The following CDH4 variants were observed in gnomAD, a reference collection of about 807,000 sequenced individuals.
The protein encoded by CDH4 is cadherin-4.
A neutral mutation model predicts 86.0 loss-of-function variants in CDH4; 33 were observed. The ratio of observed to expected loss-of-function variants is 0.38; its 90% CI spans 0.29 to 0.51. The LOEUF is 0.51. Among genes scored for constraint, CDH4 ranks in the 20% least tolerant of loss-of-function variants. The probability of loss-of-function intolerance (pLI) is 0.86; values close to 1 mark genes in which losing one functional copy is unlikely to be tolerated. For missense variants in CDH4, 1,114 were observed against 1,307.4 expected, an observed-to-expected ratio of 0.85 and a Z score of 2.28; for synonymous variants, 555 against 549.4, an observed-to-expected ratio of 1.01 and a Z score of -0.14.
chr20:61,435,424 G>C (rs570620921), intron 2 of CDH4, among the ~76,000 whole-genome samples: 32 of 152,266 alleles, frequency 2.1e-4, no homozygotes, highest in African/African-American at 5.8e-4. Context: ...CCCTAGGGGG[G>C]CTCTGCTGGG....
intron 9 of CDH4, among the ~76,000 whole-genome samples, chr20:61,921,732 T>C (rs1244278873): frequency 7.7e-6 from 1 of 130,534 alleles, no homozygotes; most frequent in East Asian, 2.4e-4. Flanking sequence ...AGCCTGGCAA[T>C]GGAGGAAGAC....
rs1039146284 is a variant in CDH4 at position 61,829,828 on chromosome 20, C to A, written c.577-14840C>A. Among the ~76,000 whole-genome samples, 1 of 152,080 alleles carries A rather than the reference C, an allele frequency of 6.6e-6. No homozygotes were observed. Among genetic ancestry groups the A allele is most frequent in the African/African-American group, 2.4e-5 (1 of 41,406 alleles). On this transcript the variant is annotated intron_variant, in intron 4 of 15. Transcript: ENST00000614565. This position sits in a 1 kb window ranked among gnomAD's most constrained non-coding sequence, Gnocchi z 4.2. The stretch of plus-strand genomic sequence containing the variant: ...GTGCAGCCCTCCTCCAGACCCCAGT[C>A]CCCTTGGACCAGGGGCAAAGCTCAT...
rs559586967 is a variant in CDH4, at chr20:61,678,270, G to C, written c.170-65293G>C. On this transcript the variant is annotated intron_variant, in intron 2 of 15. Transcript: ENST00000614565. ...ATAGATAGATGGATGATAGATGATAGATGAGATAGATACATGATGGATGGA... is the reference window on the plus strand; with the variant it reads ...ATAGATAGATGGATGATAGATGATACATGAGATAGATACATGATGGATGGA... Among the ~76,000 whole-genome samples, 18 of 152,202 alleles carry C rather than the reference G, an allele frequency of 1.2e-4. No individual in the cohort carries two copies. In the South Asian group the frequency reaches 2.5e-3, roughly 21 times the overall value.
intron 2 of CDH4, among the ~76,000 whole-genome samples, chr20:61,699,792 C>T (rs1405809332): frequency 3.4e-5 from 5 of 148,728 alleles, no homozygotes; most frequent in African/African-American, 7.8e-5. Context: ...ACCGCTGACC[C>T]GGGGCTTTCA....
intron 4 of CDH4, among the ~76,000 whole-genome samples, chr20:61,815,708 G>A (rs1386655387): frequency 6.6e-6 from 1 of 152,234 alleles, no homozygotes; most frequent in East Asian, 1.9e-4. Flanking sequence ...AGGCCCGGCT[G>A]AGGGAGGTCC....
Position 61,330,972 on chromosome 20 carries a change from G to T in CDH4, c.169+76035G>T, listed in dbSNP as rs373251323. Among the ~76,000 whole-genome samples the T allele has an allele frequency of 4.6e-3, 700 of 152,186 alleles. 9 individuals carry two copies. Among genetic ancestry groups the T allele is most frequent in the African/African-American group, 0.016 (673 of 41,510 alleles). On this transcript the variant is annotated intron_variant, in intron 2 of 15. Coordinates refer to ENST00000614565, the MANE Select transcript of CDH4 (RefSeq NM_001794.5). ...GGGTCTGTGAAACAAGTTCCTAGAA[G>T]TGGAATTTCTGGGTCAGTTATAAGG...
intron 2 of CDH4, among the ~76,000 whole-genome samples, chr20:61,374,188 G>A (rs570324109): frequency 7.2e-5 from 11 of 152,324 alleles, no homozygotes; most frequent in Middle Eastern, 3.4e-3. Flanking sequence ...TGAGGAGCTC[G>A]CTGTCTGAAA....
chr20:61,877,080 A>G (rs558962580), intron 7 of CDH4, among the ~76,000 whole-genome samples: 1 of 151,966 alleles, frequency 6.6e-6, no homozygotes, highest in Admixed American at 6.5e-5. Context: ...CGGGAGGGAC[A>G]CCCCCTGGCC....
Position 61,417,201 on chromosome 20 carries a change from C to T in CDH4, c.169+162264C>T, listed in dbSNP as rs1374072907. Among the ~76,000 whole-genome samples, 1 of 152,102 alleles carries T rather than the reference C, an allele frequency of 6.6e-6. No homozygotes were observed. Among genetic ancestry groups the T allele is most frequent in the Non-Finnish European group, 1.5e-5 (1 of 68,012 alleles). Reference sequence around the variant, plus strand: ...GTTGGGGGCATGCAGTCCTGGTCTCCAAGAGACTCACTCTTTCTCTCTTGG... The same window carrying T: ...GTTGGGGGCATGCAGTCCTGGTCTCTAAGAGACTCACTCTTTCTCTCTTGG... On this transcript the variant is annotated intron_variant, in intron 2 of 15. Coordinates refer to ENST00000614565, the MANE Select transcript of CDH4 (RefSeq NM_001794.5). This position sits in a 1 kb window ranked among gnomAD's most constrained non-coding sequence, Gnocchi z 4.0.
chr20:61,311,908 C>T (rs1298117803), intron 2 of CDH4, among the ~76,000 whole-genome samples: 1 of 152,288 alleles, frequency 6.6e-6, no homozygotes, highest in Non-Finnish European at 1.5e-5. Context: ...CCGGCTGCAT[C>T]CACACCTGTT....
intron 2 of CDH4, among the ~76,000 whole-genome samples, chr20:61,323,924 A>C (rs751693954): frequency 6.6e-6 from 1 of 152,226 alleles, no homozygotes; most frequent in Non-Finnish European, 1.5e-5. Context: ...TGACTTACCC[A>C]GAGACAAGGC....
chr20:61,621,218 C>T (rs1419434038), intron 2 of CDH4, among the ~76,000 whole-genome samples: 1 of 152,286 alleles, frequency 6.6e-6, no homozygotes, highest in South Asian at 2.1e-4. Context: ...ACCGCGGTTC[C>T]GGTCAGGGCC....
At chr20:61,872,050 G>A (rs1184902241) in intron 6 of CDH4, among the ~76,000 whole-genome samples, 2 of 152,160 alleles carry the variant, frequency 1.3e-5, no homozygotes, top group Admixed American at 6.5e-5. Context: ...GGGCGAGGGG[G>A]AAGGCTCCCT....
At chr20:61,839,314 G>C (rs1319588530) in intron 4 of CDH4, among the ~76,000 whole-genome samples, 1 of 151,690 alleles carries the variant, frequency 6.6e-6, no homozygotes, top group East Asian at 1.9e-4. Context: ...ATTGTGTTCT[G>C]TGTGTGTGTG....
At chr20:61,824,351 A>T (rs1256383933) in intron 4 of CDH4, among the ~76,000 whole-genome samples, 1 of 150,416 alleles carries the variant, frequency 6.6e-6, no homozygotes, top group Non-Finnish European at 1.5e-5. Flanking sequence ...AAAAAGATGG[A>T]TAAAAATACA....
At chr20:61,719,151 C>T (rs1253597554) in intron 2 of CDH4, 4 of 470,142 alleles carry the variant, frequency 8.5e-6, no homozygotes, top group Non-Finnish European at 1.8e-5. Flanking sequence ...CATCTGAAAG[C>T]CACACATAAT....
chr20:61,680,702 C>T (rs753972562), intron 2 of CDH4, among the ~76,000 whole-genome samples: 13 of 152,140 alleles, frequency 8.5e-5, no homozygotes, highest in Non-Finnish European at 1.6e-4. Context: ...TCGATGCTTT[C>T]CTGGCTGTTT....
intron 2 of CDH4, among the ~76,000 whole-genome samples, chr20:61,485,304 G>GAGAA (rs2085589941): frequency 1.3e-5 from 2 of 152,196 alleles, no homozygotes; most frequent in African/African-American, 2.4e-5. Context: ...ACGCTTGGCT[G>GAGAA]GATTTGGGGT....
At chr20:61,540,626 T>G (rs1213325808) in intron 2 of CDH4, among the ~76,000 whole-genome samples, 1 of 152,104 alleles carries the variant, frequency 6.6e-6, no homozygotes, top group Admixed American at 6.5e-5. Context: ...CCAGGGAAGA[T>G]CTTATAAAGC....
Sources: allele counts gnomAD v4.1 joint callset (sites outside exome capture counted in the v4.1 genomes callset), GRCh38; gene constraint gnomAD v4.1.1; non-coding constraint Gnocchi (gnomAD v3.1); transcripts MANE v1.5; gene names NCBI Gene and HGNC (gene_info 2026-07-23, HGNC 2026-07-21).